The following CSTA variants were observed in gnomAD, a reference collection of about 807,000 sequenced individuals.
CSTA encodes cystatin A.
In CSTA, 9 loss-of-function variants were observed where a neutral mutation model predicts 9.2. That is an observed-to-expected ratio of 0.97 (90% CI 0.59 to 1.70). The LOEUF (loss-of-function observed/expected upper bound fraction) is 1.70. Ranked by LOEUF, CSTA falls within the 40% of genes most tolerant of loss-of-function variation. The pLI is 0.00. For missense variants in CSTA, 118 were observed against 113.1 expected, an observed-to-expected ratio of 1.04 and a Z score of -0.20; for synonymous variants, 36 against 40.6, an observed-to-expected ratio of 0.89 and a Z score of 0.43.
At chr3:122,329,436 C>T (rs1409526329) in intron 1 of CSTA, among the ~76,000 whole-genome samples, 1 of 152,020 alleles carries the variant, frequency 6.6e-6, no homozygotes, top group Non-Finnish European at 1.5e-5. Flanking sequence ...CCAGGTAGTA[C>T]ACGCCTGTAG....
At chr3:122,339,276 G>A (rs939260410) in intron 2 of CSTA, among the ~76,000 whole-genome samples, 14 of 152,144 alleles carry the variant, frequency 9.2e-5, no homozygotes, top group Non-Finnish European at 1.5e-5. Flanking sequence ...ACTTCGCAGC[G>A]TGTTGTGAGG....
chr3:122,331,674 C>T (rs995843580), intron 1 of CSTA, among the ~76,000 whole-genome samples: 2 of 152,232 alleles, frequency 1.3e-5, no homozygotes, highest in Non-Finnish European at 2.9e-5. Flanking sequence ...TGGATTAATG[C>T]TTAACAACCC....
chr3:122,328,425 G>T (rs573964028), intron 1 of CSTA, among the ~76,000 whole-genome samples: 1 of 150,842 alleles, frequency 6.6e-6, no homozygotes, highest in South Asian at 2.1e-4. Context: ...ACTTGAACCC[G>T]GGAGGCGGAG....
At chr3:122,329,166 C>A (rs1177781335) in intron 1 of CSTA, among the ~76,000 whole-genome samples, 1 of 151,662 alleles carries the variant, frequency 6.6e-6, no homozygotes, top group Non-Finnish European at 1.5e-5. Context: ...CGGGGTTTCA[C>A]CATGTTAGCC....
intron 1 of CSTA, among the ~76,000 whole-genome samples, chr3:122,325,893 T>C (rs1215196478): frequency 2.0e-5 from 3 of 152,218 alleles, no homozygotes; most frequent in Admixed American, 6.5e-5. Context: ...GTAATTCAAC[T>C]AATAGAACAG....
chr3:122,326,110 T>G (rs1008107881), intron 1 of CSTA, among the ~76,000 whole-genome samples: 4 of 150,898 alleles, frequency 2.7e-5, no homozygotes, highest in Admixed American at 2.0e-4. Context: ...CCTCAACTTT[T>G]TGAGTTCAAG....
chr3:122,334,482 T>TAA (rs2107667333), intron 1 of CSTA, among the ~76,000 whole-genome samples: 2 of 151,702 alleles, frequency 1.3e-5, no homozygotes, highest in South Asian at 4.2e-4. Context: ...CTCTTAAATT[T>TAA]AAAAAAACAA....
rs1041977951 is a variant in CSTA at position 122,328,932 on chromosome 3, C to T, written c.66+3574C>T. 3.3e-5 allele frequency among the ~76,000 whole-genome samples: 5 copies of T among 150,890 alleles called. No individual in the cohort carries two copies. In the East Asian group the frequency reaches 9.9e-4, roughly 30 times the overall value. On this transcript the variant is annotated intron_variant, in intron 1 of 2. Transcript: ENST00000264474. ...CTCCAGCCTGGATGACAGAGCGAGA[C>T]TCCATTTCAAAAAGTAAAAAAAAAT... is the stretch of plus-strand genomic sequence containing the variant.
chr3:122,341,570 G>T lies in CSTA; in HGVS notation c.*3G>T. On this transcript the variant is annotated 3_prime_UTR_variant, in exon 3 of 3. Transcript: ENST00000264474. ...ATGACGAGCTGACGGGCTTTTAGCAGCATGTACCCAAAGTGTTCTGATTCC... is the reference window on the plus strand; with the variant it reads ...ATGACGAGCTGACGGGCTTTTAGCATCATGTACCCAAAGTGTTCTGATTCC... 1 of 1,614,098 alleles carries T rather than the reference G, an allele frequency of 6.2e-7. No individual in the cohort carries two copies. The highest frequency in any genetic ancestry group is 8.5e-7 in the Non-Finnish European group (1 of 1,179,976).
intron 1 of CSTA, among the ~76,000 whole-genome samples, chr3:122,330,347 T>C (rs1432911508): frequency 6.6e-6 from 1 of 152,148 alleles, no homozygotes; most frequent in Non-Finnish European, 1.5e-5. Flanking sequence ...GAAGGCCAAC[T>C]GAAGAACCCC....
chr3:122,326,063 G>C (rs1022517296), intron 1 of CSTA, among the ~76,000 whole-genome samples: 1 of 152,186 alleles, frequency 6.6e-6, no homozygotes, highest in African/African-American at 2.4e-5. Context: ...CTGTCACCCA[G>C]GCTGGAGTGC....
In CSTA at chr3:122,341,456, T is replaced by C. The variant is rs2075264664; in HGVS notation, c.186T>C (p.Asn62=). The C allele has an allele frequency of 6.2e-7, 1 of 1,613,874 alleles. No individual in the cohort carries two copies. Among genetic ancestry groups the C allele is most frequent in the African/African-American group, 1.3e-5 (1 of 74,904 alleles). The stretch of plus-strand genomic sequence containing the variant: ...TTTTTCAGGTACGAGCAGGTGATAA[T>C]AAATATATGCACTTGAAAGTATTCA... ...NYYIKVRAGD[N]KYMHLKVFKS... is the part of the protein sequence containing the mutation. The change falls in exon 3 of 3, where the codon AAT becomes AAC. Residue 62 remains asparagine (N), a synonymous_variant. Transcript: ENST00000264474.
intron 1 of CSTA, among the ~76,000 whole-genome samples, chr3:122,334,205 C>T (rs1019397608): frequency 6.6e-6 from 1 of 152,176 alleles, no homozygotes; most frequent in African/African-American, 2.4e-5. Flanking sequence ...CTCAACAGAA[C>T]AATCACACTT....
intron 2 of CSTA, 51 bp from the exon 3 acceptor site, chr3:122,341,388 A>G (rs2075264342): frequency 1.2e-6 from 2 of 1,605,852 alleles, no homozygotes; most frequent in African/African-American, 2.7e-5. Flanking sequence ...CTTGATGTAG[A>G]CCCATTTGAA....
chr3:122,340,406 G>A (rs2075259631), intron 2 of CSTA, among the ~76,000 whole-genome samples: 1 of 152,066 alleles, frequency 6.6e-6, no homozygotes, highest in African/African-American at 2.4e-5. Context: ...CCGGATTCAA[G>A]CGATTCTCCT....
chr3:122,334,628 G>A (rs2075226508), intron 1 of CSTA, among the ~76,000 whole-genome samples: 1 of 152,122 alleles, frequency 6.6e-6, no homozygotes, highest in South Asian at 2.1e-4. Flanking sequence ...AATAAACAAG[G>A]TACATTCAAC....
chr3:122,340,425 C>A (rs1355459126), intron 2 of CSTA, among the ~76,000 whole-genome samples: 1 of 152,176 alleles, frequency 6.6e-6, no homozygotes, highest in East Asian at 1.9e-4. Flanking sequence ...CTGCTTCAGC[C>A]TCCCAAGTAG....
chr3:122,337,350 A>G (rs1313111607), intron 1 of CSTA, among the ~76,000 whole-genome samples, 197 bp from the exon 2 acceptor site: 8 of 152,210 alleles, frequency 5.3e-5, no homozygotes, highest in Admixed American at 3.3e-4. Flanking sequence ...AATTCAGCCT[A>G]AAGCAACAAA....
intron 1 of CSTA, among the ~76,000 whole-genome samples, chr3:122,330,541 A>G (rs1334998470): frequency 6.6e-6 from 1 of 152,274 alleles, no homozygotes; most frequent in Non-Finnish European, 1.5e-5. Context: ...AATGTTTTTG[A>G]AGGCAGGAGA....
Sources: allele counts gnomAD v4.1 joint callset (sites outside exome capture counted in the v4.1 genomes callset), GRCh38; gene constraint gnomAD v4.1.1; transcripts MANE v1.5; gene names NCBI Gene and HGNC (gene_info 2026-07-23, HGNC 2026-07-21).